ITPKA: variants seen among roughly 807,000 people sequenced by gnomAD.
ITPKA encodes the protein inositol-trisphosphate 3-kinase A, also known as IP3 3-kinase A.
In ITPKA, 16 loss-of-function variants were observed where a neutral mutation model predicts 40.7. That is an observed-to-expected ratio of 0.39 (90% CI 0.27 to 0.60). The LOEUF is 0.60. ITPKA is among the 20% of genes least tolerant of loss of function. The pLI, the probability that ITPKA is intolerant of heterozygous loss-of-function variation, is 0.50. For missense variants in ITPKA, 540 were observed against 649.3 expected (o/e 0.83, Z 1.83); for synonymous variants, 313 against 289.9 (o/e 1.08, Z -0.81).
In ITPKA at chr15:41,494,370, G is replaced by A; in HGVS notation, c.443G>A (p.Arg148Gln). ...EDDLLSDSES[R>Q]SRGNVQLEAG... is the part of the protein sequence containing the mutation. ...GACCTGCTGAGCGACAGTGAGAGCC[G>A]GAGCCGCGGCAACGTGCAGCTGGAA... is the stretch of plus-strand genomic sequence containing the variant. The change falls in exon 1 of 7, where the codon CGG (arginine) becomes CAG (glutamine). Residue 148 changes from arginine to glutamine, a missense_variant. Physicochemically the swap from Arg to Gln is conservative, Grantham distance 43. Transcript: ENST00000260386. The surrounding 1 kb of genome is among the most constrained non-coding windows in gnomAD (Gnocchi z 7.8). 4 of 1,501,628 alleles carry A rather than the reference G, an allele frequency of 2.7e-6. No individual in the cohort carries two copies. The highest frequency in any genetic ancestry group is 2.7e-6 in the Non-Finnish European group (3 of 1,129,490). 93.0% of individuals were successfully genotyped at this position (1,501,628 alleles called of 1,614,324 possible).
intron 1 of ITPKA, among the ~76,000 whole-genome samples, chr15:41,500,549 T>C (rs748680417): frequency 6.6e-6 from 1 of 152,168 alleles, no homozygotes; most frequent in Admixed American, 6.5e-5. Flanking sequence ...CCTCATACCA[T>C]GGAATGGGAT....
chr15:41,496,058 C>A (rs547677061), intron 1 of ITPKA, among the ~76,000 whole-genome samples: 206 of 152,354 alleles, frequency 1.4e-3, no homozygotes, highest in African/African-American at 4.7e-3. Context: ...TCCAGGCCTT[C>A]CCCACCCCCA....
intron 1 of ITPKA, among the ~76,000 whole-genome samples, chr15:41,500,460 G>A (rs28578550): frequency 0.19 from 28,708 of 152,158 alleles, 2,961 homozygotes; most frequent in Non-Finnish European, 0.22. Flanking sequence ...GTTTGTTTCT[G>A]TGTATGTCTG....
chr15:41,495,166 G>T (rs1019950897), intron 1 of ITPKA, among the ~76,000 whole-genome samples: 1 of 152,242 alleles, frequency 6.6e-6, no homozygotes, highest in Non-Finnish European at 1.5e-5. Flanking sequence ...ACACAGCCCT[G>T]GGCACTGTTA....
In ITPKA at chr15:41,503,055, T is replaced by C; in HGVS notation, c.1275T>C (p.Asp425=). ...IDFGKTTPLP[D]GQILDHRRPW... ...TCGGCAAGACCACGCCCCTCCCCGA[T>C]GGCCAGATCCTGGACCACCGGCGGC... Residue 425 remains aspartate (D), a synonymous_variant, in exon 7 of 7, where the codon GAT becomes GAC. Coordinates refer to ENST00000260386, the MANE Select transcript of ITPKA (RefSeq NM_002220.3). 2 of 1,610,348 alleles carry C rather than the reference T, an allele frequency of 1.2e-6. No homozygotes were observed. Among genetic ancestry groups the C allele is most frequent in the Non-Finnish European group, 1.7e-6 (2 of 1,177,572 alleles).
Position 41,494,105 on chromosome 15 carries a change from A to C in ITPKA, c.178A>C (p.Lys60Gln). ...AAGEPRARGA[K>Q]RRGGQVPNGL... ...GGGGGAGCCCCGGGCCCGCGGGGCCAAGCGGCGTGGGGGACAGGTCCCCAA... is the reference window on the plus strand; with the variant it reads ...GGGGGAGCCCCGGGCCCGCGGGGCCCAGCGGCGTGGGGGACAGGTCCCCAA... Residue 60 changes from lysine (K) to glutamine (Q), a missense_variant, in exon 1 of 7, where the codon AAG becomes CAG. Lys to Gln is a moderately conservative substitution (Grantham distance 53). Coordinates refer to ENST00000260386, the MANE Select transcript of ITPKA (RefSeq NM_002220.3). This position sits in a 1 kb window ranked among gnomAD's most constrained non-coding sequence, Gnocchi z 7.8. The C allele has an allele frequency of 7.6e-7, 1 of 1,316,510 alleles. No homozygotes were observed. Among genetic ancestry groups the C allele is most frequent in the Admixed American group, 3.8e-5 (1 of 26,078 alleles). 81.6% of individuals were successfully genotyped at this position (1,316,510 alleles called of 1,614,324 possible). A position where few individuals can be genotyped will look rare whatever the true frequency, so the allele number is the denominator to read the frequency against.
In ITPKA at chr15:41,502,148, C is replaced by A. The variant is rs1478013760; in HGVS notation, c.955C>A (p.Arg319=). 1.9e-6 allele frequency: 3 copies of A among 1,604,552 alleles called. No homozygotes were observed. The highest frequency in any genetic ancestry group is 2.6e-6 in the Non-Finnish European group (3 of 1,176,282). Residue 319 remains arginine (R), a synonymous_variant, in exon 4 of 7, where the codon CGG becomes AGG. Transcript: ENST00000260386. ...AVTKPRYMQW[R]EGISSSTTLG... is the part of the protein sequence containing the mutation. ...CACCAAGCCGCGCTACATGCAGTGG[C>A]GGGAAGGCATCAGCTCCAGCACCAC...
chr15:41,501,008 G>T (rs1406165191), intron 1 of ITPKA, among the ~76,000 whole-genome samples: 1 of 58,180 alleles, frequency 1.7e-5, no homozygotes, highest in Non-Finnish European at 3.0e-5. Context: ...GACTCCATCT[G>T]AAAAAAAAAA....
chr15:41,501,729 G>T lies in ITPKA; in HGVS notation c.681G>T (p.Leu227=). ...YCLARLMADA[L]RGCVPAFHGV... ...TGGCGCGGCTGATGGCTGACGCGCTGCGCGGCTGCGTGCCTGCCTTCCACG... is the reference window on the plus strand; with the variant it reads ...TGGCGCGGCTGATGGCTGACGCGCTTCGCGGCTGCGTGCCTGCCTTCCACG... Residue 227 remains leucine, a synonymous_variant, in exon 3 of 7, where the codon CTG becomes CTT. Transcript: ENST00000260386. 1 of 1,611,638 alleles carries T rather than the reference G, an allele frequency of 6.2e-7. No individual in the cohort carries two copies. The highest frequency in any genetic ancestry group is 8.5e-7 in the Non-Finnish European group (1 of 1,179,474).
chr15:41,501,417 C>T (rs1177036066), intron 1 of ITPKA, 46 bp from the exon 2 acceptor site: 6 of 1,563,704 alleles, frequency 3.8e-6, no homozygotes, highest in Non-Finnish European at 5.2e-6. Flanking sequence ...AGGGCTTATG[C>T]ATTGCCGAGA....
intron 1 of ITPKA, among the ~76,000 whole-genome samples, chr15:41,495,041 T>C (rs1216326251): frequency 6.6e-6 from 1 of 152,082 alleles, no homozygotes; most frequent in Admixed American, 6.5e-5. Context: ...GGCTCGCCGC[T>C]CCTGAGCGCG....
Position 41,502,974 on chromosome 15 carries a change from C to T in ITPKA, c.1194C>T (p.Ser398=), listed in dbSNP as rs775797447. The change falls in exon 7 of 7, where the codon AGC becomes AGT. Residue 398 remains serine, a synonymous_variant. Coordinates refer to ENST00000260386, the MANE Select transcript of ITPKA (RefSeq NM_002220.3). ...TGCGGGGCTCGCAGGTGATCGGCAG[C>T]TCGCTCCTCTTTGTGCACGATCACT... is the stretch of plus-strand genomic sequence containing the variant. The part of the protein sequence containing the change: ...EFFRRHEVIG[S]SLLFVHDHCH... 65 of 1,601,432 alleles carry T rather than the reference C, an allele frequency of 4.1e-5. No individual in the cohort carries two copies. Among genetic ancestry groups the T allele is most frequent in the Middle Eastern group, 1.6e-4 (1 of 6,062 alleles).
chr15:41,498,670 C>T (rs1265294039), intron 1 of ITPKA, among the ~76,000 whole-genome samples: 2 of 152,222 alleles, frequency 1.3e-5, no homozygotes, highest in Admixed American at 6.5e-5. Context: ...AGCCATTAAA[C>T]TCATTCTTTT....
rs200347608 is a variant in ITPKA, at chr15:41,501,870, G to A, written c.803+19G>A. ...GCGTCAGGTATGCGTGCCCTGCCAG[G>A]TCGGTTGGGGGGATCAAGTAGGGGT... On this transcript the variant is annotated intron_variant, in intron 3 of 6. Transcript: ENST00000260386. The A allele has an allele frequency of 4.0e-5, 64 of 1,609,578 alleles. No individual in the cohort carries two copies. The Admixed American group carries it at 9.0e-4, about 23-fold the overall frequency.
At chr15:41,497,843 A>G (rs983193794) in intron 1 of ITPKA, among the ~76,000 whole-genome samples, 1 of 151,964 alleles carries the variant, frequency 6.6e-6, no homozygotes, top group Non-Finnish European at 1.5e-5. Flanking sequence ...AACATAGCAA[A>G]ATCCTGTCTC....
intron 1 of ITPKA, among the ~76,000 whole-genome samples, chr15:41,497,354 G>A (rs1197526488): frequency 2.0e-5 from 3 of 152,074 alleles, no homozygotes; most frequent in Admixed American, 6.6e-5. Flanking sequence ...TCAGCCTCCC[G>A]AGTAGCTGGG....
At chr15:41,501,925 C>T (rs1225488187) in intron 3 of ITPKA, 72 bp from the exon 4 acceptor site, 2 of 1,589,610 alleles carry the variant, frequency 1.3e-6, no homozygotes, top group African/African-American at 2.7e-5. Context: ...TTGAGGGGGA[C>T]CCGGGGCGAG....
intron 1 of ITPKA, among the ~76,000 whole-genome samples, chr15:41,498,262 C>T (rs1757460): frequency 0.16 from 24,250 of 148,696 alleles, 2,484 homozygotes; most frequent in Non-Finnish European, 0.22. Flanking sequence ...GCTGTGATCG[C>T]ACCACTGGAC....
Position 41,493,989 on chromosome 15 carries a change from C to T in ITPKA, c.62C>T (p.Pro21Leu), listed in dbSNP as rs1218236059. 3.5e-5 allele frequency: 40 copies of T among 1,130,024 alleles called. No individual in the cohort carries two copies. Among genetic ancestry groups the T allele is most frequent in the Admixed American group, 4.9e-5 (1 of 20,328 alleles). 70.0% of individuals were successfully genotyped at this position (1,130,024 alleles called of 1,614,324 possible). The change falls in exon 1 of 7, where the codon CCG becomes CTG. Residue 21 changes from proline to leucine, a missense_variant. By Grantham distance (98) the Pro-to-Leu change is moderately conservative. Coordinates refer to ENST00000260386, the MANE Select transcript of ITPKA (RefSeq NM_002220.3). ...ARPGGARPCS[P>L]GLERAPRRSV... ...CCGGGGGGCGCGAGGCCCTGCAGCC[C>T]GGGGCTGGAGCGGGCCCCGCGCCGG...
Sources: gnomAD v4.1 joint callset for allele counts (sites outside exome capture counted in the v4.1 genomes callset) on GRCh38, gnomAD v4.1.1 for gene constraint, Gnocchi (gnomAD v3.1) non-coding constraint, MANE v1.5 for transcripts, NCBI Gene and HGNC (gene_info 2026-07-23, HGNC 2026-07-21) for gene names.